The following BAZ2B variants were observed in gnomAD, a reference collection of about 807,000 sequenced individuals.
The protein encoded by BAZ2B is bromodomain adjacent to zinc finger domain protein 2B.
A neutral mutation model predicts 246.0 loss-of-function variants in BAZ2B; 91 were observed. The observed-to-expected ratio is 0.37, with a 90% CI of 0.31 to 0.44. The LOEUF (loss-of-function observed/expected upper bound fraction) is 0.44, where lower values mean the gene tolerates loss of function less well. Among genes scored for constraint, BAZ2B ranks in the 20% least tolerant of loss-of-function variants. The pLI is 1.00. For missense variants in BAZ2B, 2,332 were observed against 2,533.7 expected (o/e 0.92, Z 1.71); for synonymous variants, 855 against 860.0 (o/e 0.99, Z 0.10).
At chr2:159,575,885 T>C (rs769900033) in intron 1 of BAZ2B, among the ~76,000 whole-genome samples, 7 of 152,204 alleles carry the variant, frequency 4.6e-5, no homozygotes, top group Non-Finnish European at 1.0e-4. Flanking sequence ...AGAATCTATA[T>C]GTTTTCCTTC....
intron 3 of BAZ2B, chr2:159,460,740 A>T (rs2076312787): frequency 1.3e-5 from 2 of 152,142 alleles, no homozygotes; most frequent in African/African-American, 4.8e-5. Context: ...TGGCTCACAT[A>T]TTAAAATTCT....
chr2:159,343,201 A>C (rs1299301440), intron 31 of BAZ2B, among the ~76,000 whole-genome samples: 2 of 152,172 alleles, frequency 1.3e-5, no homozygotes, highest in Non-Finnish European at 1.5e-5. Context: ...TGCCAGGAAA[A>C]CTGGATATCC....
intron 2 of BAZ2B, among the ~76,000 whole-genome samples, chr2:159,542,761 AG>A (rs1445749352): frequency 6.6e-6 from 1 of 152,230 alleles, no homozygotes; most frequent in African/African-American, 2.4e-5. Flanking sequence ...AAAAATCCAA[AG>A]AACTATTAAC....
rs35253250 is a variant in BAZ2B at position 159,553,392 on chromosome 2, C to CAA, written c.-3+2429_-3+2430dup. Among the ~76,000 whole-genome samples, 151 of 73,794 alleles carry CAA rather than the reference C, an allele frequency of 2.0e-3. 2 individuals are homozygous for CAA. Among genetic ancestry groups the CAA allele is most frequent in the East Asian group, 2.3e-3 (5 of 2,160 alleles). The allele number at this position is 73,794 out of a possible 152,430, so 48.4% of individuals were successfully genotyped here. A position where few individuals can be genotyped will look rare whatever the true frequency, so the allele number is the denominator to read the frequency against. ...CCTGGGCAAGAGTGAGACTCTGTCT[C>CAA]AAAAAAAAAAAAAAAAAAAAAAAAG... On this transcript the variant is annotated intron_variant, in intron 2 of 36. Coordinates refer to ENST00000392783, the MANE Select transcript of BAZ2B (RefSeq NM_013450.4).
In BAZ2B at chr2:159,350,336, T is replaced by C. The variant is rs1158434280; in HGVS notation, c.4235A>G (p.Glu1412Gly). 1 of 1,559,126 alleles carries C rather than the reference T, an allele frequency of 6.4e-7. No individual in the cohort carries two copies. The highest frequency in any genetic ancestry group is 2.0e-5 in the Admixed American group (1 of 49,584). Residue 1412 changes from glutamate to glycine, a missense_variant, in exon 28 of 37, where the codon GAA becomes GGA. This residue lies in a region of BAZ2B where 676 missense variants were observed against 668.6 expected (regional missense o/e 1.01). Coordinates refer to ENST00000392783, the MANE Select transcript of BAZ2B (RefSeq NM_013450.4). ...SGEGLEEIAKEREKLKKAESV... is the reference protein window; with the variant it reads ...SGEGLEEIAKGREKLKKAESV... Reference sequence around the variant, plus strand: ...TTCTGCCTTTTTCAGTTTTTCTCTTTCTTTTGCAATTTCTTCTAGTCCTAC... The same window carrying C: ...TTCTGCCTTTTTCAGTTTTTCTCTTCCTTTTGCAATTTCTTCTAGTCCTAC...
In BAZ2B at chr2:159,443,936, A is replaced by G. The variant is rs112166473; in HGVS notation, c.696+2846T>C. ...ACAATGCCTTACACATTGTAGAGGC[A>G]ACAAAGATTTTACTTGATTTTAGCA... On this transcript the variant is annotated intron_variant, in intron 6 of 36. Transcript: ENST00000392783. 4.6e-4 allele frequency among the ~76,000 whole-genome samples: 70 copies of G among 152,312 alleles called. 2 individuals are homozygous for G. The highest frequency in any genetic ancestry group is 1.6e-3 in the African/African-American group (66 of 41,572).
At chr2:159,599,712 G>A (rs954317563) in intron 1 of BAZ2B, among the ~76,000 whole-genome samples, 7 of 151,966 alleles carry the variant, frequency 4.6e-5, no homozygotes, top group African/African-American at 1.7e-4. Context: ...TGAGGCAGGC[G>A]GATCACAAGG....
At chr2:159,443,486 C>T (rs2073787303) in intron 6 of BAZ2B, among the ~76,000 whole-genome samples, 1 of 151,972 alleles carries the variant, frequency 6.6e-6, no homozygotes. Context: ...ATGAATGAAG[C>T]AACTTTTTAA....
intron 2 of BAZ2B, among the ~76,000 whole-genome samples, chr2:159,480,426 T>C (rs2079103329): frequency 6.6e-6 from 1 of 152,106 alleles, no homozygotes; most frequent in African/African-American, 2.4e-5. Flanking sequence ...TATTTCTTAT[T>C]GTTGATAAAA....
At chr2:159,587,232 C>T (rs935586705) in intron 1 of BAZ2B, among the ~76,000 whole-genome samples, 1 of 151,970 alleles carries the variant, frequency 6.6e-6, no homozygotes, top group Non-Finnish European at 1.5e-5. Context: ...GCGCCTGCCA[C>T]CACGCCTGGC....
Position 159,337,050 on chromosome 2 carries a change from G to C in BAZ2B, c.5688C>G (p.Leu1896=). ...CTGATAATGCCCTTCTCCATACCCT[G>C]AGCCCTGGAGCAATATCCTCTTCAA... ...RRIEEDIAPG[L]RVWRRALSEA... Residue 1896 remains leucine (L), a synonymous_variant, in exon 33 of 37, where the codon CTC becomes CTG. Coordinates refer to ENST00000392783, the MANE Select transcript of BAZ2B (RefSeq NM_013450.4). 1.9e-6 allele frequency: 3 copies of C among 1,613,172 alleles called. No individual in the cohort carries two copies. Among genetic ancestry groups the C allele is most frequent in the Non-Finnish European group, 2.5e-6 (3 of 1,179,254 alleles).
At chr2:159,530,549 T>C (rs191944483) in intron 2 of BAZ2B, among the ~76,000 whole-genome samples, 6 of 152,330 alleles carry the variant, frequency 3.9e-5, no homozygotes, top group African/African-American at 1.4e-4. Flanking sequence ...ACAAGATATA[T>C]ACTTTAATTG....
chr2:159,410,027 A>G (rs1252057710), intron 14 of BAZ2B, among the ~76,000 whole-genome samples: 1 of 152,214 alleles, frequency 6.6e-6, no homozygotes, highest in Non-Finnish European at 1.5e-5. Context: ...TAAATTTGCT[A>G]TTTTAGATTC....
chr2:159,380,099 C>G (rs2061829225), intron 25 of BAZ2B, among the ~76,000 whole-genome samples: 1 of 152,144 alleles, frequency 6.6e-6, no homozygotes, highest in South Asian at 2.1e-4. Context: ...ATTGAAGCCC[C>G]TCCAAAATCT....
intron 1 of BAZ2B, among the ~76,000 whole-genome samples, chr2:159,576,854 G>A (rs368584674): frequency 1.3e-4 from 18 of 142,380 alleles, no homozygotes; most frequent in South Asian, 2.3e-4. Context: ...CAGAGGTTGC[G>A]GTGAGCCGAG....
At chr2:159,518,342 T>C (rs2083660243) in intron 2 of BAZ2B, among the ~76,000 whole-genome samples, 2 of 152,142 alleles carry the variant, frequency 1.3e-5, no homozygotes, top group African/African-American at 4.8e-5. Context: ...AGCTGACAAA[T>C]GAGAAAAATA....
At chr2:159,663,875 T>C in the BAZ2B span, among the ~76,000 whole-genome samples, 1 of 84,872 alleles carries the variant, frequency 1.2e-5, no homozygotes, top group Non-Finnish European at 2.5e-5. Flanking sequence ...TTTTTTTTTT[T>C]TTTTTTTTTT....
At position 159,400,504 on chromosome 2, in the gene BAZ2B, TTGTG is replaced by T. The variant is rs1366368446; in HGVS notation, c.2898+91_2898+94del. On this transcript the variant is annotated intron_variant, in intron 17 of 36. Transcript: ENST00000392783. Reference sequence around the variant, plus strand: ...TTAAAGAGAATATCTGACAAACAATTTGTGTGAGAAAACATGCACGCAAAATATT... The same window carrying T: ...TTAAAGAGAATATCTGACAAACAATTTGAGAAAACATGCACGCAAAATATT... The T allele has an allele frequency of 1.6e-5, 12 of 730,326 alleles. No homozygotes were observed. The East Asian group carries it at 3.2e-4, about 19-fold the overall frequency. The allele number at this position is 730,326 out of a possible 1,614,324, so 45.2% of individuals were successfully genotyped here.
At chr2:159,558,512 G>A (rs919383587) in intron 1 of BAZ2B, among the ~76,000 whole-genome samples, 6 of 151,938 alleles carry the variant, frequency 3.9e-5, no homozygotes, top group South Asian at 2.1e-4. Context: ...CGCCTACCTC[G>A]GCCTCCCAAA....
Sources: gnomAD v4.1 joint callset for allele counts (sites outside exome capture counted in the v4.1 genomes callset) on GRCh38, gnomAD v4.1.1 for gene constraint, gnomAD v4.1.1 regional missense constraint, MANE v1.5 for transcripts, NCBI Gene and HGNC (gene_info 2026-07-23, HGNC 2026-07-21) for gene names.